The following ZNF133 variants were observed in gnomAD, a reference collection of about 807,000 sequenced individuals.
The protein encoded by ZNF133 is zinc finger protein 133.
A neutral mutation model predicts 54.9 loss-of-function variants in ZNF133; 26 were observed. That is an observed-to-expected ratio of 0.47 (90% confidence interval 0.35 to 0.66). The LOEUF is 0.66. ZNF133 is among the 30% of genes least tolerant of loss of function. The pLI is 0.01. For missense variants in ZNF133, 653 were observed against 820.8 expected (o/e 0.80, Z 2.50); for synonymous variants, 298 against 320.3 (o/e 0.93, Z 0.74).
intron 6 of ZNF133, among the ~76,000 whole-genome samples, chr20:18,309,161 A>C (rs1342137726): frequency 6.6e-6 from 1 of 152,118 alleles, no homozygotes; most frequent in Non-Finnish European, 1.5e-5. Context: ...GCCCACCCTT[A>C]CGACCTTATT....
intron 3 of ZNF133, among the ~76,000 whole-genome samples, chr20:18,299,103 T>A (rs2042838252): frequency 2.0e-5 from 3 of 151,182 alleles, no homozygotes; most frequent in African/African-American, 7.3e-5. Context: ...GGAAAAAAAA[T>A]GAATAAACTG....
chr20:18,300,363 G>C (rs2043117326), intron 3 of ZNF133, among the ~76,000 whole-genome samples: 2 of 152,192 alleles, frequency 1.3e-5, no homozygotes, highest in South Asian at 4.1e-4. Context: ...GAATTTAAAA[G>C]TTGCATTGAA....
At chr20:18,300,768 A>T (rs767997304) in intron 3 of ZNF133, among the ~76,000 whole-genome samples, 1 of 152,086 alleles carries the variant, frequency 6.6e-6, no homozygotes, top group African/African-American at 2.4e-5. Context: ...AAGATATAGA[A>T]ATTATACACA....
intron 1 of ZNF133, among the ~76,000 whole-genome samples, chr20:18,293,087 G>T (rs939870777): frequency 6.6e-6 from 1 of 152,194 alleles, no homozygotes; most frequent in African/African-American, 2.4e-5. Context: ...AAAGAGAGAG[G>T]GCGCAGTATG....
In ZNF133 at chr20:18,298,364, AGACAACGATTATACTGGCAGGATC is replaced by A; in HGVS notation, c.-277_-254del. On this transcript the variant is annotated 5_prime_UTR_variant, in exon 3 of 7. The change abolishes the stop of an existing upstream ORF in the 5' untranslated region. Transcript: ENST00000425686. Reference sequence around the variant, plus strand: ...GATTCTGGAATCTGTGTCCCCACCTAGACAACGATTATACTGGCAGGATCTATCAGGTGTACCTATTTTGGAACT... The same window carrying A: ...GATTCTGGAATCTGTGTCCCCACCTATATCAGGTGTACCTATTTTGGAACT... 8.0e-7 allele frequency: 1 copy of A among 1,249,032 alleles called. No homozygotes were observed. Among genetic ancestry groups the A allele is most frequent in the African/African-American group, 1.5e-5 (1 of 64,740 alleles). The allele number at this position is 1,249,032 out of a possible 1,614,324, so 77.4% of individuals were successfully genotyped here.
At chr20:18,309,588 C>T (rs1349957621) in intron 6 of ZNF133, among the ~76,000 whole-genome samples, 1 of 152,170 alleles carries the variant, frequency 6.6e-6, no homozygotes, top group Non-Finnish European at 1.5e-5. Context: ...CAGGTGAGGT[C>T]AGTGTTGCTG....
At position 18,311,160 on chromosome 20, in the gene ZNF133, A is replaced by G. The variant is rs180878641; in HGVS notation, c.218-3909A>G. Reference sequence around the variant, plus strand: ...CATAGCGAGACTCTGTCTCTAAAAAAATTTTTATAATTAGCCAGGGTGAGG... The same window carrying G: ...CATAGCGAGACTCTGTCTCTAAAAAGATTTTTATAATTAGCCAGGGTGAGG... On this transcript the variant is annotated intron_variant, in intron 6 of 6. Coordinates refer to ENST00000425686, the MANE Select transcript of ZNF133 (RefSeq NM_001352452.2). Among the ~76,000 whole-genome samples, 367 of 152,184 alleles carry G rather than the reference A, an allele frequency of 2.4e-3. 3 individuals carry two copies. Among genetic ancestry groups the G allele is most frequent in the African/African-American group, 8.7e-3 (360 of 41,514 alleles).
intron 6 of ZNF133, chr20:18,313,727 A>C (rs191293380): frequency 2.0e-5 from 3 of 152,356 alleles, no homozygotes; most frequent in Admixed American, 1.3e-4. Flanking sequence ...GTGGAACCTC[A>C]GACAACCTAG....
In ZNF133 at chr20:18,315,861, A is replaced by G; in HGVS notation, c.1010A>G (p.Gln337Arg). The G allele has an allele frequency of 6.2e-7, 1 of 1,613,256 alleles. No homozygotes were observed. The highest frequency in any genetic ancestry group is 1.1e-5 in the South Asian group (1 of 90,996). The change falls in exon 7 of 7, where the codon CAG (glutamine) becomes CGG (arginine). Residue 337 changes from glutamine to arginine, a missense_variant. By Grantham distance (43) the Gln-to-Arg change is conservative. This residue lies in a region of ZNF133 where 292 missense variants were observed against 431.6 expected (regional missense o/e 0.68). Transcript: ENST00000425686. ...CGGGAATGTGGCAAAGGCTTCAGCC[A>G]GAAGTCAGCTGTCGTGAGACACCAG... ...VCRECGKGFS[Q>R]KSAVVRHQRT...
chr20:18,311,054 C>T (rs1264296811), intron 6 of ZNF133, among the ~76,000 whole-genome samples: 1 of 145,196 alleles, frequency 6.9e-6, no homozygotes, highest in East Asian at 2.0e-4. Context: ...TGGCTTGCAC[C>T]TGTATTCCTA....
intron 3 of ZNF133, among the ~76,000 whole-genome samples, chr20:18,301,191 G>A (rs558170426): frequency 1.2e-4 from 18 of 152,070 alleles, no homozygotes; most frequent in Non-Finnish European, 2.5e-4. Context: ...AGTAGGTAGA[G>A]GAATAAACTA....
At chr20:18,293,751 G>C (rs1421418691) in intron 1 of ZNF133, among the ~76,000 whole-genome samples, 4 of 151,716 alleles carry the variant, frequency 2.6e-5, no homozygotes, top group Non-Finnish European at 5.9e-5. Context: ...GAATGAAAGG[G>C]GGAAAAAGCT....
intron 6 of ZNF133, among the ~76,000 whole-genome samples, chr20:18,311,872 C>T (rs2046081970): frequency 6.6e-6 from 1 of 152,158 alleles, no homozygotes; most frequent in Non-Finnish European, 1.5e-5. Flanking sequence ...ACTAGTTGGA[C>T]ACATATATCT....
intron 1 of ZNF133, among the ~76,000 whole-genome samples, chr20:18,293,337 C>T (rs2146897513): frequency 6.6e-6 from 1 of 152,290 alleles, no homozygotes; most frequent in East Asian, 1.9e-4. Context: ...TTCGTGGGTT[C>T]CATCACATAT....
At chr20:18,304,511 A>G (rs528510405) in intron 3 of ZNF133, among the ~76,000 whole-genome samples, 1 of 152,364 alleles carries the variant, frequency 6.6e-6, no homozygotes, top group East Asian at 1.9e-4. Context: ...AGGTGCATAA[A>G]CAAAATGTAG....
At chr20:18,297,870 C>T (rs2042557209) in intron 1 of ZNF133, 115 bp from the exon 2 acceptor site, 1 of 644,614 alleles carries the variant, frequency 1.6e-6, no homozygotes, top group Non-Finnish European at 2.7e-6. Flanking sequence ...TTGCTTTATA[C>T]TTTCCCCATT....
chr20:18,315,299 G>T lies in ZNF133; in HGVS notation c.448G>T (p.Gly150Cys). The part of the protein sequence containing the change: ...SDQAEGPEGE[G>C]AMPLFGRTKK... The stretch of plus-strand genomic sequence containing the variant: ...TCAAGCAGAAGGTCCTGAGGGAGAA[G>T]GTGCCATGCCTTTGTTTGGAAGAAC... Residue 150 changes from glycine (G) to cysteine (C), a missense_variant, in exon 7 of 7, where the codon GGT (glycine) becomes TGT (cysteine). Around this residue, in one of 4 missense-constraint regions of ZNF133, gnomAD observed 227 missense variants for 233.9 expected, o/e 0.97. Coordinates refer to ENST00000425686, the MANE Select transcript of ZNF133 (RefSeq NM_001352452.2). 6.2e-7 allele frequency: 1 copy of T among 1,614,120 alleles called. No individual in the cohort carries two copies. Among genetic ancestry groups the T allele is most frequent in the Non-Finnish European group, 8.5e-7 (1 of 1,180,020 alleles).
rs770222977 is a variant in ZNF133 at position 18,316,376 on chromosome 20, C to T, written c.1525C>T (p.Leu509Phe). 6.2e-7 allele frequency: 1 copy of T among 1,614,070 alleles called. No homozygotes were observed. The highest frequency in any genetic ancestry group is 8.5e-7 in the Non-Finnish European group (1 of 1,179,970). Residue 509 changes from leucine (L) to phenylalanine (F), a missense_variant, in exon 7 of 7, where the codon CTT becomes TTT. Leu to Phe is a conservative substitution (Grantham distance 22, BLOSUM62 0). Coordinates refer to ENST00000425686, the MANE Select transcript of ZNF133 (RefSeq NM_001352452.2). ...CGRGFSQKSN[L>F]VAHQRTHSGE... Reference sequence around the variant, plus strand: ...GCGAGGCTTCAGCCAGAAGTCAAACCTTGTTGCACACCAGAGGACGCACTC... The same window carrying T: ...GCGAGGCTTCAGCCAGAAGTCAAACTTTGTTGCACACCAGAGGACGCACTC...
chr20:18,292,250 C>T (rs888712484), intron 1 of ZNF133, among the ~76,000 whole-genome samples: 5 of 152,182 alleles, frequency 3.3e-5, no homozygotes, highest in South Asian at 2.1e-4. Context: ...AAATGTAAAT[C>T]GAATCATGTC....
Sources: gnomAD v4.1 joint callset for allele counts (sites outside exome capture counted in the v4.1 genomes callset) on GRCh38, gnomAD v4.1.1 for gene constraint, gnomAD v4.1.1 regional missense constraint, MANE v1.5 for transcripts, NCBI Gene and HGNC (gene_info 2026-07-23, HGNC 2026-07-21) for gene names.